Variants in GPC6 observed in about 807,000 individuals in gnomAD.
GPC6 encodes the protein glypican-6.
A neutral mutation model predicts 55.2 loss-of-function variants in GPC6; 14 were observed. That is an observed-to-expected ratio of 0.25 (90% confidence interval 0.17 to 0.40). The LOEUF is 0.40. GPC6 is among the 10% of genes least tolerant of loss of function. GPC6 has a pLI of 1.00. For synonymous variants in GPC6, 278 were observed against 259.6 expected (o/e 1.07, Z -0.68); for missense variants, 641 against 708.5 (o/e 0.90, Z 1.08).
At chr13:93,882,396 C>T (rs1186182686) in intron 3 of GPC6, among the ~76,000 whole-genome samples, 1 of 152,008 alleles carries the variant, frequency 6.6e-6, no homozygotes, top group Non-Finnish European at 1.5e-5. Context: ...ACCCACCCCT[C>T]AGGCTCCCAA....
chr13:93,860,107 CACTAGT>C (rs1484666911), intron 3 of GPC6, among the ~76,000 whole-genome samples: 1 of 151,698 alleles, frequency 6.6e-6, no homozygotes, highest in Non-Finnish European at 1.5e-5. Flanking sequence ...ATTCTTTAGA[CACTAGT>C]ACCAGCATTG....
At chr13:93,715,467 G>A (rs1214846044) in intron 2 of GPC6, among the ~76,000 whole-genome samples, 1 of 151,534 alleles carries the variant, frequency 6.6e-6, no homozygotes, top group East Asian at 2.0e-4. Flanking sequence ...AAAGAGGGGA[G>A]GGAAGGAGGA....
chr13:93,607,546 C>G (rs1235216790), intron 2 of GPC6, among the ~76,000 whole-genome samples: 1 of 152,114 alleles, frequency 6.6e-6, no homozygotes, highest in African/African-American at 2.4e-5. Context: ...ACAGAAACAC[C>G]CCCGTCATTA....
chr13:93,755,045 C>G (rs1391799161), intron 2 of GPC6, among the ~76,000 whole-genome samples: 1 of 152,170 alleles, frequency 6.6e-6, no homozygotes, highest in South Asian at 2.1e-4. Flanking sequence ...AATACAGACT[C>G]ATATCATTTT....
intron 4 of GPC6, among the ~76,000 whole-genome samples, chr13:94,253,830 T>G (rs1468405423): frequency 2.0e-5 from 3 of 152,182 alleles, no homozygotes; most frequent in Non-Finnish European, 4.4e-5. Context: ...CTCTCCTTCC[T>G]GTTTGTGACA....
chr13:94,007,955 C>G (rs905469196), intron 3 of GPC6, among the ~76,000 whole-genome samples: 1 of 151,970 alleles, frequency 6.6e-6, no homozygotes, highest in African/African-American at 2.4e-5. Flanking sequence ...AATGCCATCC[C>G]CCCAAACAAA....
At chr13:93,439,727 C>A (rs567414361) in intron 1 of GPC6, among the ~76,000 whole-genome samples, 1 of 148,920 alleles carries the variant, frequency 6.7e-6, no homozygotes, top group Admixed American at 6.6e-5. Context: ...AATAAAACAC[C>A]AAGCTTCGGG....
chr13:93,498,685 C>T (rs9561378), intron 1 of GPC6, among the ~76,000 whole-genome samples: 17,584 of 152,142 alleles, frequency 0.12, 1,233 homozygotes, highest in East Asian at 0.28. Context: ...TCCCCAGCCA[C>T]GTGGAACTGT....
chr13:94,204,825 CATT>C (rs889470727), intron 4 of GPC6, among the ~76,000 whole-genome samples: 3 of 152,154 alleles, frequency 2.0e-5, no homozygotes, highest in Non-Finnish European at 2.9e-5. Context: ...CCTTGTTCAG[CATT>C]ATATTTTCAA....
intron 6 of GPC6, among the ~76,000 whole-genome samples, chr13:94,359,757 A>G (rs996509550): frequency 2.0e-5 from 3 of 152,080 alleles, no homozygotes; most frequent in Non-Finnish European, 4.4e-5. Context: ...GATCTTTCAG[A>G]TTCCAGTGTG....
chr13:94,026,542 AC>A (rs1243385594), intron 3 of GPC6, among the ~76,000 whole-genome samples: 1 of 152,026 alleles, frequency 6.6e-6, no homozygotes, highest in Non-Finnish European at 1.5e-5. Context: ...TATGGAACCA[AC>A]CAAATGAATA....
chr13:93,906,176 G>C (rs533002428), intron 3 of GPC6, among the ~76,000 whole-genome samples: 3 of 152,116 alleles, frequency 2.0e-5, no homozygotes, highest in South Asian at 4.2e-4. Flanking sequence ...CTCTCTCTCT[G>C]TAGGTCAACT....
intron 1 of GPC6, among the ~76,000 whole-genome samples, chr13:93,452,929 T>A (rs1178757312): frequency 2.0e-5 from 3 of 152,248 alleles, no homozygotes; most frequent in Non-Finnish European, 4.4e-5. Context: ...ATTTCCCCAA[T>A]TCCTGTAATG....
intron 1 of GPC6, among the ~76,000 whole-genome samples, chr13:93,237,128 C>T (rs953370445): frequency 2.6e-5 from 4 of 152,172 alleles, no homozygotes; most frequent in Middle Eastern, 3.4e-3. Flanking sequence ...TACTTTTAGT[C>T]CTTTGAGAAA....
chr13:93,251,546 G>A (rs1183232706), intron 1 of GPC6, among the ~76,000 whole-genome samples: 1 of 152,200 alleles, frequency 6.6e-6, no homozygotes, highest in African/African-American at 2.4e-5. Context: ...GGGATTCCTT[G>A]CAGATACTAC....
At chr13:93,345,224 C>T (rs1880386600) in intron 1 of GPC6, among the ~76,000 whole-genome samples, 1 of 151,904 alleles carries the variant, frequency 6.6e-6, no homozygotes, top group Non-Finnish European at 1.5e-5. Flanking sequence ...TTAGAAAAGC[C>T]CTTTAGTCTC....
intron 6 of GPC6, among the ~76,000 whole-genome samples, chr13:94,372,503 G>T (rs1168904071): frequency 6.6e-6 from 1 of 152,120 alleles, no homozygotes; most frequent in African/African-American, 2.4e-5. Context: ...GCACTTTTCC[G>T]ACGGGCTTAA....
chr13:93,835,353 G>A (rs900222471), intron 3 of GPC6, among the ~76,000 whole-genome samples: 3 of 152,166 alleles, frequency 2.0e-5, no homozygotes, highest in African/African-American at 7.2e-5. Flanking sequence ...TATTTGAGAG[G>A]CTGCAGTGGG....
rs60762188 is a variant in GPC6 at position 94,271,382 on chromosome 13, GCACA to G, written c.878-14943_878-14940del. On this transcript the variant is annotated intron_variant, in intron 4 of 8. Coordinates refer to ENST00000377047, the MANE Select transcript of GPC6 (RefSeq NM_005708.5). ...CACACACACACGCGCGCGCGCGCGC[GCACA>G]CACACACACACACACACACACACTC... is the stretch of plus-strand genomic sequence containing the variant. Among the ~76,000 whole-genome samples the G allele has an allele frequency of 8.1e-3, 1,028 of 126,736 alleles. 11 individuals carry two copies. The highest frequency in any genetic ancestry group is 0.025 in the African/African-American group (846 of 33,682). The allele number at this position is 126,736 out of a possible 152,430, so 83.1% of individuals were successfully genotyped here.
Sources: allele counts gnomAD v4.1 joint callset (sites outside exome capture counted in the v4.1 genomes callset), GRCh38; gene constraint gnomAD v4.1.1; transcripts MANE v1.5; gene names NCBI Gene and HGNC (gene_info 2026-07-23, HGNC 2026-07-21).